Variants in GBF1 observed in about 807,000 individuals in gnomAD.
GBF1 encodes the protein golgi brefeldin A resistant guanine nucleotide exchange factor 1, also known as Golgi-specific brefeldin A-resistance guanine nucleotide exchange factor 1.
GBF1 carries 114 observed loss-of-function variants against 210.5 expected under a neutral mutation model. That is an observed-to-expected ratio of 0.54 (90% CI 0.47 to 0.63). GBF1 has a LOEUF of 0.63. GBF1 is among the 30% of genes least tolerant of loss of function. The probability of loss-of-function intolerance (pLI) is 0.00; values close to 1 mark genes in which losing one functional copy is unlikely to be tolerated. For missense variants in GBF1, 1,851 were observed against 2,357.7 expected (o/e 0.79, Z 4.45); for synonymous variants, 850 against 889.2 (o/e 0.96, Z 0.78).
chr10:102,364,298 C>G (rs12354486), intron 17 of GBF1, among the ~76,000 whole-genome samples: 22,757 of 138,920 alleles, frequency 0.16, 2,101 homozygotes, highest in East Asian at 0.22. Context: ...GATCTCAGCT[C>G]ACTGCAACCT....
At chr10:102,377,325 T>G (rs888906639) in intron 33 of GBF1, among the ~76,000 whole-genome samples, 185 bp downstream of exon 33, 7 of 70,126 alleles carry the variant, frequency 1.0e-4, no homozygotes, top group African/African-American at 2.6e-4. Flanking sequence ...TTAAATTTAT[T>G]TATTTATTTA....
At chr10:102,356,862 C>CT (rs1214405481) in intron 8 of GBF1, among the ~76,000 whole-genome samples, 8 of 150,828 alleles carry the variant, frequency 5.3e-5, no homozygotes, top group Non-Finnish European at 8.8e-5. Context: ...GAATAGTTAA[C>CT]AAACAGGTGA....
intron 3 of GBF1, among the ~76,000 whole-genome samples, chr10:102,333,789 T>G (rs1342317831): frequency 2.6e-5 from 4 of 152,144 alleles, no homozygotes; most frequent in Non-Finnish European, 1.5e-5. Flanking sequence ...CTACGGAGCT[T>G]ACCATACATC....
Position 102,259,111 on chromosome 10 carries a change from A to T in GBF1, c.96+77A>T, listed in dbSNP as rs2072858944. ...TGTTGGCATGGTTAAAAGAGTAATC[A>T]AATTCCTAGTAATAATGAGAATAGT... is the stretch of plus-strand genomic sequence containing the variant. On this transcript the variant is annotated intron_variant, in intron 2 of 39. Coordinates refer to ENST00000369983, the MANE Select transcript of GBF1 (RefSeq NM_001377137.1). The T allele has an allele frequency of 5.0e-6, 4 of 794,792 alleles. No individual in the cohort carries two copies. In the Admixed American group the frequency reaches 7.3e-5, roughly 15 times the overall value. The allele number at this position is 794,792 out of a possible 1,614,324, so 49.2% of individuals were successfully genotyped here.
chr10:102,252,917 C>T (rs929821512), intron 1 of GBF1, among the ~76,000 whole-genome samples: 1 of 151,662 alleles, frequency 6.6e-6, no homozygotes. Flanking sequence ...TTTTTTGAGC[C>T]GGTGTCTTGC....
At chr10:102,333,946 A>G (rs2057529921) in intron 3 of GBF1, among the ~76,000 whole-genome samples, 1 of 152,188 alleles carries the variant, frequency 6.6e-6, no homozygotes, top group Non-Finnish European at 1.5e-5. Context: ...GCCTAAAACC[A>G]AAAAGCTTTT....
intron 3 of GBF1, among the ~76,000 whole-genome samples, chr10:102,342,010 A>T (rs2058214459): frequency 6.6e-6 from 1 of 151,776 alleles, no homozygotes; most frequent in Admixed American, 6.6e-5. Flanking sequence ...AAGCAGCAAG[A>T]CTAGATGACT....
intron 35 of GBF1, 54 bp downstream of exon 35, chr10:102,379,705 C>G: frequency 6.2e-7 from 1 of 1,603,298 alleles, no homozygotes; most frequent in African/African-American, 1.3e-5. Context: ...AAAAGGAAAG[C>G]CAGGCAGCCT....
In GBF1 at chr10:102,331,053, G is replaced by A. The variant is rs774632766; in HGVS notation, c.164-12998G>A. Among the ~76,000 whole-genome samples the A allele has an allele frequency of 4.6e-5, 7 of 152,156 alleles. No homozygotes were observed. The South Asian group carries it at 6.2e-4, about 14-fold the overall frequency. ...GACGATTTCAGGAGCAGAGATTTAC[G>A]GAAAGCAGCCTGCTCTGAGATACAC... is the stretch of plus-strand genomic sequence containing the variant. On this transcript the variant is annotated intron_variant, in intron 3 of 39. Transcript: ENST00000369983.
chr10:102,260,109 TATA>T lies in GBF1; in HGVS notation c.158_160del (p.Ile53del). On this transcript the variant is annotated inframe_deletion, in exon 3 of 40. Transcript: ENST00000369983. Reference sequence around the variant, plus strand: ...GTCATCTAAAGGAGGTTTTAAACAGTATAACAGGTAAGTCTCCATATGTATGTG... The same window carrying T: ...GTCATCTAAAGGAGGTTTTAAACAGTACAGGTAAGTCTCCATATGTATGTG... The T allele has an allele frequency of 6.6e-7, 1 of 1,513,610 alleles. No homozygotes were observed. Among genetic ancestry groups the T allele is most frequent in the South Asian group, 1.1e-5 (1 of 88,620 alleles). The allele number at this position is 1,513,610 out of a possible 1,614,324, so 93.8% of individuals were successfully genotyped here.
chr10:102,369,315 G>T lies in GBF1; in HGVS notation c.3078G>T (p.Glu1026Asp). Residue 1026 changes from glutamate (E) to aspartate (D), a missense_variant, in exon 24 of 40, where the codon GAG (glutamate) becomes GAT (aspartate). Around this residue, in one of 3 missense-constraint regions of GBF1, gnomAD observed 967 missense variants for 1,247.7 expected, o/e 0.78. Transcript: ENST00000369983. ...LAHRHGDILR[E>D]GWKNIMEAML... is the part of the protein sequence containing the mutation. ...ATCGTCATGGTGACATCCTGCGGGA[G>T]GGCTGGAAGAATATCATGGAGGCCA... 1 of 1,613,858 alleles carries T rather than the reference G, an allele frequency of 6.2e-7. No individual in the cohort carries two copies. The highest frequency in any genetic ancestry group is 8.5e-7 in the Non-Finnish European group (1 of 1,179,732).
the GBF1 span, chr10:102,232,142 G>T: frequency 9.9e-7 from 1 of 1,012,248 alleles, no homozygotes; most frequent in Non-Finnish European, 1.5e-6. Flanking sequence ...AAAATCTCCG[G>T]CTTAGCTAGG....
the GBF1 span, among the ~76,000 whole-genome samples, chr10:102,236,401 C>CCACCCCTAGACTTTTTGCCA: frequency 6.6e-6 from 1 of 152,206 alleles, no homozygotes; most frequent in Non-Finnish European, 1.5e-5. Flanking sequence ...GCTGCCGGCC[C>CCACCCCTAGACTTTTTGCCA]CACCCCTAGA....
At chr10:102,368,875 G>A (rs776278965) in intron 23 of GBF1, 43 bp downstream of exon 23, 7 of 1,345,168 alleles carry the variant, frequency 5.2e-6, no homozygotes, top group Non-Finnish European at 7.5e-6. Context: ...TCCAAAGGAG[G>A]ACCTCTCTTT....
chr10:102,307,443 CA>C (rs1214986314), intron 3 of GBF1, among the ~76,000 whole-genome samples: 249 of 51,740 alleles, frequency 4.8e-3, no homozygotes, highest in African/African-American at 7.6e-3. Context: ...CCAACCTTGG[CA>C]AAAAAAAAAA....
intron 4 of GBF1, among the ~76,000 whole-genome samples, chr10:102,346,222 C>T (rs2058562297): frequency 6.6e-6 from 1 of 152,058 alleles, no homozygotes; most frequent in African/African-American, 2.4e-5. Context: ...ACCTTGTGAT[C>T]CACCCGCCTC....
At chr10:102,340,226 A>G (rs2058080038) in intron 3 of GBF1, among the ~76,000 whole-genome samples, 1 of 138,090 alleles carries the variant, frequency 7.2e-6, no homozygotes, top group Non-Finnish European at 1.5e-5. Context: ...AAGTGCTGGG[A>G]TTATAGGCAT....
In GBF1 at chr10:102,351,878, C is replaced by T. The variant is rs767305600; in HGVS notation, c.450C>T (p.Ala150=). ...LRTLLLTPVG[A]HLTNESVCEI... ...CTCTGCTGCTAACCCCAGTGGGTGCCCACCTAACCAATGAATCTGTGTGTG... is the reference window on the plus strand; with the variant it reads ...CTCTGCTGCTAACCCCAGTGGGTGCTCACCTAACCAATGAATCTGTGTGTG... The change falls in exon 6 of 40, where the codon GCC becomes GCT. Residue 150 remains alanine, a synonymous_variant. Coordinates refer to ENST00000369983, the MANE Select transcript of GBF1 (RefSeq NM_001377137.1). 1.9e-6 allele frequency: 3 copies of T among 1,610,826 alleles called. No homozygotes were observed. The highest frequency in any genetic ancestry group is 2.5e-6 in the Non-Finnish European group (3 of 1,177,022).
chr10:102,253,998 A>G (rs867597806), intron 1 of GBF1, among the ~76,000 whole-genome samples: 2 of 152,080 alleles, frequency 1.3e-5, no homozygotes, highest in African/African-American at 2.4e-5. Context: ...GGGAGGGGTT[A>G]TATGTCTAGT....
Sources: allele counts gnomAD v4.1 joint callset (sites outside exome capture counted in the v4.1 genomes callset), GRCh38; gene constraint gnomAD v4.1.1; regional missense constraint gnomAD v4.1.1; transcripts MANE v1.5; gene names NCBI Gene and HGNC (gene_info 2026-07-23, HGNC 2026-07-21).